Variants in THSD7A observed in about 807,000 individuals in gnomAD.
THSD7A encodes thrombospondin type-1 domain-containing protein 7A.
Under a neutral mutation model 231.3 loss-of-function variants are expected in THSD7A, and 96 were observed. The ratio of observed to expected loss-of-function variants is 0.41; its 90% CI spans 0.35 to 0.49. The LOEUF (loss-of-function observed/expected upper bound fraction) is 0.49, where lower values mean the gene tolerates loss of function less well. THSD7A is among the 20% of genes least tolerant of loss of function. The pLI is 0.05. For missense variants in THSD7A, 2,290 were observed against 2,070.2 expected, an observed-to-expected ratio of 1.11 and a Z score of -2.06; for synonymous variants, 940 against 743.3, an observed-to-expected ratio of 1.26 and a Z score of -4.30.
intron 9 of THSD7A, among the ~76,000 whole-genome samples, chr7:11,468,406 TAA>T (rs1785796384): frequency 6.7e-6 from 1 of 149,670 alleles, no homozygotes; most frequent in Non-Finnish European, 1.5e-5. Context: ...AAAAAAGGAA[TAA>T]GAGAGGAAAA....
chr7:11,555,032 T>C (rs1349341653), intron 4 of THSD7A, among the ~76,000 whole-genome samples: 2 of 151,972 alleles, frequency 1.3e-5, no homozygotes, highest in Admixed American at 6.6e-5. Flanking sequence ...TAATGATCTA[T>C]TGAATGAACC....
At chr7:11,404,933 G>C (rs1325538216) in intron 22 of THSD7A, among the ~76,000 whole-genome samples, 1 of 152,034 alleles carries the variant, frequency 6.6e-6, no homozygotes, top group Non-Finnish European at 1.5e-5. Flanking sequence ...CATTGAGAAG[G>C]AGCTGCTATT....
chr7:11,637,377 T>C lies in THSD7A; in HGVS notation c.191-416A>G, dbSNP rs1360940670. The stretch of plus-strand genomic sequence containing the variant: ...ATGGCCCCGTGTGAAGAACTTCTCC[T>C]GCAGGCATTTCTCTTCCTGGACAGT... On this transcript the variant is annotated intron_variant, in intron 1 of 27. Coordinates refer to ENST00000423059, the MANE Select transcript of THSD7A (RefSeq NM_015204.3). This position sits in a 1 kb window ranked among gnomAD's most constrained non-coding sequence, Gnocchi z 4.2. Among the ~76,000 whole-genome samples, 1 of 152,218 alleles carries C rather than the reference T, an allele frequency of 6.6e-6. No individual in the cohort carries two copies. Among genetic ancestry groups the C allele is most frequent in the Non-Finnish European group, 1.5e-5 (1 of 68,040 alleles).
intron 6 of THSD7A, among the ~76,000 whole-genome samples, chr7:11,515,979 GAATA>G (rs1202214671): frequency 6.6e-6 from 1 of 152,082 alleles, no homozygotes; most frequent in African/African-American, 2.4e-5. Flanking sequence ...TACTGTGAAT[GAATA>G]AATAGTGAAT....
chr7:11,530,280 G>A (rs1788650059), intron 6 of THSD7A, among the ~76,000 whole-genome samples: 1 of 152,046 alleles, frequency 6.6e-6, no homozygotes, highest in African/African-American at 2.4e-5. Flanking sequence ...ATGTTAATAG[G>A]GTGTGCAATT....
Position 11,831,827 on chromosome 7 carries a change from TAGCAGCAGCAGCAGG to T in THSD7A, c.105_119del (p.Leu36_Leu40del). ...CCGCAGCCCTGCCGGCGCCCGGGCGTAGCAGCAGCAGCAGGAGCAGCGGCAGCGGCAGCGGCAGCG... is the reference window on the plus strand; with the variant it reads ...CCGCAGCCCTGCCGGCGCCCGGGCGTAGCAGCGGCAGCGGCAGCGGCAGCG... On this transcript the variant is annotated inframe_deletion, in exon 1 of 28. Coordinates refer to ENST00000423059, the MANE Select transcript of THSD7A (RefSeq NM_015204.3). This position sits in a 1 kb window ranked among gnomAD's most constrained non-coding sequence, Gnocchi z 5.0. 7.0e-7 allele frequency: 1 copy of T among 1,434,610 alleles called. No individual in the cohort carries two copies. Among genetic ancestry groups the T allele is most frequent in the Non-Finnish European group, 9.2e-7 (1 of 1,090,126 alleles). 88.9% of individuals were successfully genotyped at this position (1,434,610 alleles called of 1,614,324 possible). A position where few individuals can be genotyped will look rare whatever the true frequency, so the allele number is the denominator to read the frequency against.
At chr7:11,625,389 T>C (rs1016435398) in intron 2 of THSD7A, among the ~76,000 whole-genome samples, 2 of 152,100 alleles carry the variant, frequency 1.3e-5, no homozygotes, top group African/African-American at 4.8e-5. Context: ...CAGTATTTTG[T>C]CCACTTACAA....
intron 1 of THSD7A, among the ~76,000 whole-genome samples, chr7:11,780,156 C>G (rs1783577687): frequency 6.6e-6 from 1 of 152,126 alleles, no homozygotes; most frequent in African/African-American, 2.4e-5. Context: ...AGACAGAAAT[C>G]CAGTTACCAT....
rs1190065552 is a variant in THSD7A at position 11,444,901 on chromosome 7, CTGTATATATATAATGAAACTATATA to C, written c.3064+1135_3064+1159del. Reference sequence around the variant, plus strand: ...AACTATTTTATATATATATAAAATGCTGTATATATATAATGAAACTATATATGTATATATAGAATGAAACTATATA... The same window carrying C: ...AACTATTTTATATATATATAAAATGCTGTATATATAGAATGAAACTATATA... On this transcript the variant is annotated intron_variant, in intron 13 of 27. Transcript: ENST00000423059. This position sits in a 1 kb window ranked among gnomAD's most constrained non-coding sequence, Gnocchi z 4.2. Among the ~76,000 whole-genome samples the C allele has an allele frequency of 2.2e-4, 32 of 145,200 alleles. No homozygotes were observed. Among genetic ancestry groups the C allele is most frequent in the African/African-American group, 7.5e-4 (30 of 39,826 alleles).
At chr7:11,562,735 T>A (rs973180863) in intron 4 of THSD7A, among the ~76,000 whole-genome samples, 8 of 152,176 alleles carry the variant, frequency 5.3e-5, no homozygotes, top group African/African-American at 1.9e-4. Context: ...TTTTTTTAAA[T>A]TTTTTTCAGT....
At chr7:11,772,416 T>G (rs1409579266) in intron 1 of THSD7A, among the ~76,000 whole-genome samples, 1 of 152,082 alleles carries the variant, frequency 6.6e-6, no homozygotes. Context: ...AAAAGACACA[T>G]GCACCCATAT....
rs1210877609 is a variant in THSD7A at position 11,379,260 on chromosome 7, T to G, written c.4611A>C (p.Glu1537Asp). ...YCSETKTCHC[E>D]EGYTEVMSSN... ...AAGACATGACTTCAGTGTACCCTTCTTCACAATGGCATGTTTTTGTCTGCA... is the reference window on the plus strand; with the variant it reads ...AAGACATGACTTCAGTGTACCCTTCGTCACAATGGCATGTTTTTGTCTGCA... The change falls in exon 26 of 28, where the codon GAA becomes GAC. Residue 1537 changes from glutamate (E) to aspartate (D), a missense_variant. By Grantham distance (45) the Glu-to-Asp change is conservative. Coordinates refer to ENST00000423059, the MANE Select transcript of THSD7A (RefSeq NM_015204.3). 7 of 1,613,636 alleles carry G rather than the reference T, an allele frequency of 4.3e-6. No homozygotes were observed. Among genetic ancestry groups the G allele is most frequent in the Non-Finnish European group, 5.9e-6 (7 of 1,179,616 alleles).
intron 5 of THSD7A, among the ~76,000 whole-genome samples, chr7:11,541,977 G>C (rs1344523190): frequency 1.3e-5 from 2 of 152,178 alleles, no homozygotes; most frequent in African/African-American, 4.8e-5. Context: ...AACTTGGAAA[G>C]TCTGTAGCTA....
chr7:11,678,050 A>C (rs1783711388), intron 1 of THSD7A, among the ~76,000 whole-genome samples: 1 of 152,016 alleles, frequency 6.6e-6, no homozygotes, highest in Non-Finnish European at 1.5e-5. Flanking sequence ...TCACTCAAAA[A>C]CGCAAAACTA....
At position 11,406,438 on chromosome 7, in the gene THSD7A, T is replaced by G. The variant is rs1783584646; in HGVS notation, c.4099A>C (p.Ile1367Leu). The G allele has an allele frequency of 6.2e-7, 1 of 1,613,558 alleles. No individual in the cohort carries two copies. Among genetic ancestry groups the G allele is most frequent in the Non-Finnish European group, 8.5e-7 (1 of 1,179,808 alleles). ...QCGEGTRTRN[I>L]SCVVSDGSAD... The stretch of plus-strand genomic sequence containing the variant: ...GACCCATCACTTACTACACAAGAAA[T>G]GTTCCTTGTTCTGGTCCCTTCTCCA... Residue 1367 changes from isoleucine to leucine, a missense_variant, in exon 22 of 28, where the codon ATT becomes CTT. Physicochemically the swap from Ile to Leu is conservative, Grantham distance 5 (BLOSUM62 2). Transcript: ENST00000423059. This position sits in a 1 kb window ranked among gnomAD's most constrained non-coding sequence, Gnocchi z 4.7.
intron 1 of THSD7A, among the ~76,000 whole-genome samples, chr7:11,694,917 T>C (rs1017971025): frequency 1.3e-5 from 2 of 151,570 alleles, no homozygotes; most frequent in African/African-American, 4.8e-5. Flanking sequence ...TGTAATGATG[T>C]GATGAGTCTA....
At position 11,831,895 on chromosome 7, in the gene THSD7A, GC is replaced by G; in HGVS notation, c.51del (p.Pro18ArgfsTer118). The G allele has an allele frequency of 1.6e-6, 2 of 1,240,038 alleles. No homozygotes were observed. Among genetic ancestry groups the G allele is most frequent in the Non-Finnish European group, 2.0e-6 (2 of 995,716 alleles). The allele number at this position is 1,240,038 out of a possible 1,614,324, so 76.8% of individuals were successfully genotyped here. A position where few individuals can be genotyped will look rare whatever the true frequency, so the allele number is the denominator to read the frequency against. On this transcript the variant is annotated frameshift_variant, in exon 1 of 28. Coordinates refer to ENST00000423059, the MANE Select transcript of THSD7A (RefSeq NM_015204.3). LOFTEE classifies it high-confidence loss of function. The surrounding 1 kb of genome is among the most constrained non-coding windows in gnomAD (Gnocchi z 5.0). Reference protein sequence around the residue: ...RWASGSRGAAGPRRGVLQLLP... With the variant: ...RWASGSRGAAXPRRGVLQLLP... ...AGCAGCTGCAGGACGCCCCGGCGCG[GC>G]CCCGCAGCGCCCCGGCTCCCGGACG...
chr7:11,399,462 A>ATTTG (rs942518893), intron 23 of THSD7A, among the ~76,000 whole-genome samples: 38 of 150,622 alleles, frequency 2.5e-4, no homozygotes, highest in African/African-American at 8.8e-4. Context: ...TTTGTTGATT[A>ATTTG]TTTTCTGTCT....
chr7:11,574,211 T>C (rs1343184087), intron 4 of THSD7A, among the ~76,000 whole-genome samples: 2 of 151,696 alleles, frequency 1.3e-5, no homozygotes, highest in Admixed American at 6.6e-5. Context: ...ATTCTCTGCA[T>C]AGTGCTTATT....
Sources: gnomAD v4.1 joint callset for allele counts (sites outside exome capture counted in the v4.1 genomes callset) on GRCh38, gnomAD v4.1.1 for gene constraint, Gnocchi (gnomAD v3.1) non-coding constraint, MANE v1.5 for transcripts, NCBI Gene and HGNC (gene_info 2026-07-23, HGNC 2026-07-21) for gene names.